DNAH10: variants seen among roughly 807,000 people sequenced by gnomAD.
DNAH10 encodes the protein axonemal beta dynein heavy chain 10.
Under a neutral mutation model 506.6 loss-of-function variants are expected in DNAH10, and 348 were observed. The ratio of observed to expected loss-of-function variants is 0.69; its 90% confidence interval spans 0.63 to 0.75. The LOEUF (loss-of-function observed/expected upper bound fraction) is 0.75. DNAH10 is among the 30% of genes least tolerant of loss of function. The pLI is 0.00. For synonymous variants in DNAH10, 2,059 were observed against 2,198.6 expected (o/e 0.94, Z 1.78); for missense variants, 5,179 against 5,787.1 (o/e 0.89, Z 3.41).
rs141610728 is a variant in DNAH10 at position 123,796,055 on chromosome 12, C to G, written c.1987-601C>G. On this transcript the variant is annotated intron_variant, in intron 12 of 78. Transcript: ENST00000673944. Reference sequence around the variant, plus strand: ...AAAACCAAAGGTCTGCCACTGTGGTCATGTCTAGAACAGATTTCCGGATTT... The same window carrying G: ...AAAACCAAAGGTCTGCCACTGTGGTGATGTCTAGAACAGATTTCCGGATTT... Among the ~76,000 whole-genome samples, 151 of 152,228 alleles carry G rather than the reference C, an allele frequency of 9.9e-4. No homozygotes were observed. In the South Asian group the frequency reaches 0.012, roughly 13 times the overall value.
At chr12:123,807,920 G>GAGAA (rs1958759125) in intron 18 of DNAH10, among the ~76,000 whole-genome samples, 1 of 150,098 alleles carries the variant, frequency 6.7e-6, no homozygotes, top group Admixed American at 6.6e-5. Flanking sequence ...AGAGAGGAGA[G>GAGAA]AGAAGGGGAG....
Position 123,848,675 on chromosome 12 carries a change from G to T in DNAH10, c.5950-55G>T, listed in dbSNP as rs540590806. 8.7e-5 allele frequency: 140 copies of T among 1,603,464 alleles called. 1 individual carries two copies. The South Asian group carries it at 8.8e-4, about 10-fold the overall frequency. On this transcript the variant is annotated intron_variant, in intron 33 of 78. Transcript: ENST00000673944. ...TAGAAAATATATCCATAAATGTGTT[G>T]CTTGCAGTTTTAAAGATGAAAATTG...
chr12:123,787,892 A>T lies in DNAH10; in HGVS notation c.1510A>T (p.Lys504Ter). 6.2e-7 allele frequency: 1 copy of T among 1,613,622 alleles called. No individual in the cohort carries two copies. Among genetic ancestry groups the T allele is most frequent in the Non-Finnish European group, 8.5e-7 (1 of 1,179,814 alleles). ...AAAGGCCTATTTTGACACCCGGGCC[A>T]AGATAGAGGCTTCGGGGAGGGAAGA... ...WKKAYFDTRA[K>*]IEASGREDRW... is the part of the protein sequence containing the mutation. The change falls in exon 10 of 79, where the codon AAG becomes TAG. Residue 504 changes from lysine (K) to a stop codon, truncating the protein, a stop_gained. Transcript: ENST00000673944. LOFTEE classifies it high-confidence loss of function. This position sits in a 1 kb window ranked among gnomAD's most constrained non-coding sequence, Gnocchi z 4.6.
chr12:123,884,664 C>T (rs1952653080), intron 51 of DNAH10, among the ~76,000 whole-genome samples: 1 of 152,186 alleles, frequency 6.6e-6, no homozygotes, highest in Non-Finnish European at 1.5e-5. Flanking sequence ...CAAATACCAT[C>T]ACATTGGGGG....
At position 123,868,108 on chromosome 12, in the gene DNAH10, G is replaced by C. The variant is rs1292535259; in HGVS notation, c.7508G>C (p.Gly2503Ala). 1.2e-6 allele frequency: 2 copies of C among 1,612,916 alleles called. No homozygotes were observed. Residue 2503 changes from glycine (G) to alanine (A), a missense_variant, in exon 43 of 79, where the codon GGG becomes GCG. Around this residue, in one of 3 missense-constraint regions of DNAH10, gnomAD observed 4,844 missense variants for 5,430.5 expected, o/e 0.89. Coordinates refer to ENST00000673944, the MANE Select transcript of DNAH10 (RefSeq NM_001372106.1). ...ACAGAAGGAGTTTGGGCCAACCCTG[G>C]GGAACTGCCAGGTGGGAACCGAGTG... Reference protein sequence around the residue: ...VDTEGVWANPGELPGQLPTLY... With the variant: ...VDTEGVWANPAELPGQLPTLY...
chr12:123,782,973 T>G, intron 6 of DNAH10, 134 bp from the exon 7 acceptor site: 2 of 662,974 alleles, frequency 3.0e-6, no homozygotes. Context: ...ACAGATATTA[T>G]CAGGACAGGG....
chr12:123,912,609 C>T (rs1345928571), intron 59 of DNAH10, among the ~76,000 whole-genome samples: 6 of 152,104 alleles, frequency 3.9e-5, no homozygotes, highest in Non-Finnish European at 5.9e-5. Flanking sequence ...CCAGACAGTA[C>T]CAAACGTCCC....
Position 123,926,205 on chromosome 12 carries a change from T to G in DNAH10, c.11922-432T>G. ...GTGATAGTACCACTGTACTCCAGCC[T>G]GGGCAACAGAGTGAGATTATATATT... is the stretch of plus-strand genomic sequence containing the variant. On this transcript the variant is annotated intron_variant, in intron 68 of 78. Transcript: ENST00000673944. The surrounding 1 kb of genome is among the most constrained non-coding windows in gnomAD (Gnocchi z 4.1). 1 of 147,810 alleles carries G rather than the reference T, an allele frequency of 6.8e-6. No individual in the cohort carries two copies. The highest frequency in any genetic ancestry group is 2.5e-5 in the African/African-American group (1 of 39,352). 9.2% of individuals were successfully genotyped at this position (147,810 alleles called of 1,614,324 possible). A position where few individuals can be genotyped will look rare whatever the true frequency, so the allele number is the denominator to read the frequency against.
chr12:123,838,966 C>T (rs893480223), intron 29 of DNAH10, among the ~76,000 whole-genome samples: 1 of 152,132 alleles, frequency 6.6e-6, no homozygotes, highest in Non-Finnish European at 1.5e-5. Flanking sequence ...TGCACACCAC[C>T]ATGCCTGGCT....
chr12:123,777,435 C>T (rs1481399409), intron 5 of DNAH10, among the ~76,000 whole-genome samples: 1 of 152,226 alleles, frequency 6.6e-6, no homozygotes, highest in Admixed American at 6.5e-5. Context: ...TGGGTGACTT[C>T]CATGTGAGCA....
intron 14 of DNAH10, 95 bp downstream of exon 14, chr12:123,799,466 G>A (rs1461662909): frequency 2.7e-6 from 4 of 1,474,312 alleles, no homozygotes; most frequent in Non-Finnish European, 3.6e-6. Context: ...TCATGAAGTT[G>A]GGTCAGTTTC....
At chr12:123,807,860 G>A (rs887396523) in intron 18 of DNAH10, among the ~76,000 whole-genome samples, 2 of 50,370 alleles carry the variant, frequency 4.0e-5, no homozygotes, top group Non-Finnish European at 8.5e-5. Context: ...GAAGCCTGGA[G>A]AGGGAGAGAG....
At chr12:123,840,011 A>C (rs1245720662) in intron 29 of DNAH10, among the ~76,000 whole-genome samples, 1 of 152,142 alleles carries the variant, frequency 6.6e-6, no homozygotes, top group Non-Finnish European at 1.5e-5. Context: ...CAGCCTGGGC[A>C]GGGGCTCTGA....
At position 123,835,388 on chromosome 12, in the gene DNAH10, C is replaced by G. The variant is rs1386540697; in HGVS notation, c.4780-18C>G. ...ATCTGATAACCCCTGCTGACACTGA[C>G]CTTTTGTACATTTACAGATTTGGAT... On this transcript the variant is annotated intron_variant, in intron 27 of 78. Coordinates refer to ENST00000673944, the MANE Select transcript of DNAH10 (RefSeq NM_001372106.1). The G allele has an allele frequency of 6.2e-7, 1 of 1,611,594 alleles. No individual in the cohort carries two copies. Among genetic ancestry groups the G allele is most frequent in the Non-Finnish European group, 8.5e-7 (1 of 1,178,952 alleles).
Position 123,870,384 on chromosome 12 carries a change from A to G in DNAH10, c.7538A>G (p.Tyr2513Cys). The G allele has an allele frequency of 6.2e-7, 1 of 1,613,796 alleles. No homozygotes were observed. Among genetic ancestry groups the G allele is most frequent in the Non-Finnish European group, 8.5e-7 (1 of 1,179,828 alleles). ...GELPGQLPTL[Y>C]DFHFDNKRNQ... ...CCTGCAGGTCAACTTCCAACCTTGT[A>G]TGACTTTCATTTTGATAACAAACGG... The change falls in exon 44 of 79, where the codon TAT becomes TGT. Residue 2513 changes from tyrosine to cysteine, a missense_variant. Around this residue, in one of 3 missense-constraint regions of DNAH10, gnomAD observed 4,844 missense variants for 5,430.5 expected, o/e 0.89. Transcript: ENST00000673944.
In DNAH10 at chr12:123,850,718, C is replaced by T. The variant is rs765765373; in HGVS notation, c.6103-170C>T. Among the ~76,000 whole-genome samples the T allele has an allele frequency of 6.6e-6, 1 of 152,120 alleles. No individual in the cohort carries two copies. The highest frequency in any genetic ancestry group is 1.5e-5 in the Non-Finnish European group (1 of 68,006). On this transcript the variant is annotated intron_variant, in intron 34 of 78. Transcript: ENST00000673944. This position sits in a 1 kb window ranked among gnomAD's most constrained non-coding sequence, Gnocchi z 5.5. ...GACCTGCCCTCCCCAAGGCCTTCAGCGAGGGGGGCCCTGCATTGAACACCG... is the reference window on the plus strand; with the variant it reads ...GACCTGCCCTCCCCAAGGCCTTCAGTGAGGGGGGCCCTGCATTGAACACCG...
chr12:123,796,309 T>A (rs533712160), intron 12 of DNAH10, among the ~76,000 whole-genome samples: 4 of 151,996 alleles, frequency 2.6e-5, no homozygotes, highest in Admixed American at 2.0e-4. Context: ...ATACAAAAAT[T>A]AGCTGGGCAT....
At chr12:123,769,424 A>T (rs1593961143) in intron 2 of DNAH10, among the ~76,000 whole-genome samples, 1 of 151,868 alleles carries the variant, frequency 6.6e-6, no homozygotes, top group Non-Finnish European at 1.5e-5. Flanking sequence ...TGATCCACCC[A>T]CCTCGGCCTC....
At position 123,848,104 on chromosome 12, in the gene DNAH10, T is replaced by G; in HGVS notation, c.5949+9T>G. On this transcript the variant is annotated intron_variant, in intron 33 of 78. Transcript: ENST00000673944. ...AAGGCATGGATTACAGGGTAAGGCC[T>G]GGCTGTCACCTTTGGTACTGGCTCA... The G allele has an allele frequency of 6.2e-7, 1 of 1,611,114 alleles. No homozygotes were observed. Among genetic ancestry groups the G allele is most frequent in the Non-Finnish European group, 8.5e-7 (1 of 1,178,238 alleles).
Sources: allele counts gnomAD v4.1 joint callset (sites outside exome capture counted in the v4.1 genomes callset), GRCh38; gene constraint gnomAD v4.1.1; regional missense constraint gnomAD v4.1.1; non-coding constraint Gnocchi (gnomAD v3.1); transcripts MANE v1.5; gene names NCBI Gene and HGNC (gene_info 2026-07-23, HGNC 2026-07-21).